Variants in USP49 observed in about 807,000 individuals in gnomAD.
USP49 encodes ubiquitin carboxyl-terminal hydrolase 49.
In USP49, 24 loss-of-function variants were observed where a neutral mutation model predicts 58.6. The ratio of observed to expected loss-of-function variants is 0.41; its 90% CI spans 0.30 to 0.58. The LOEUF (loss-of-function observed/expected upper bound fraction) is 0.58. Ranked by LOEUF, USP49 falls within the 20% of genes least tolerant of loss-of-function variation. USP49 has a pLI of 0.30. For missense variants in USP49, 703 were observed against 866.1 expected, an observed-to-expected ratio of 0.81 and a Z score of 2.36; for synonymous variants, 408 against 365.1, an observed-to-expected ratio of 1.12 and a Z score of -1.34.
intron 3 of USP49, among the ~76,000 whole-genome samples, chr6:41,836,589 C>T (rs1288271365): frequency 1.3e-5 from 2 of 152,016 alleles, no homozygotes; most frequent in Admixed American, 6.6e-5. Context: ...ACTATATTTG[C>T]AGATGATATA....
intron 3 of USP49, among the ~76,000 whole-genome samples, chr6:41,844,462 C>T (rs12527627): frequency 0.056 from 8,524 of 151,890 alleles, 422 homozygotes; most frequent in Admixed American, 0.12. Flanking sequence ...TACAGGCGTC[C>T]GCCACCATGC....
Position 41,805,901 on chromosome 6 carries a change from C to A in USP49, c.1083G>T (p.Leu361=). 6.2e-7 allele frequency: 1 copy of A among 1,614,020 alleles called. No individual in the cohort carries two copies. Among genetic ancestry groups the A allele is most frequent in the African/African-American group, 1.3e-5 (1 of 75,062 alleles). The change falls in exon 4 of 8, where the codon CTG becomes CTT. Residue 361 remains leucine (L), a synonymous_variant. Coordinates refer to ENST00000682992, the MANE Select transcript of USP49 (RefSeq NM_001286554.2). ...ACCACATGACTCGGAAGAGGGTGTG[C>A]AGTTCACGGCAGAGGGAAATGTGCT... ...SSKHISLCRE[L]HTLFRVMWSG... is the part of the protein sequence containing the mutation.
intron 3 of USP49, among the ~76,000 whole-genome samples, chr6:41,859,183 T>C (rs906065942): frequency 3.9e-5 from 6 of 152,320 alleles, no homozygotes; most frequent in African/African-American, 1.4e-4. Context: ...TTGTCTTTCA[T>C]AGTCTGATCC....
chr6:41,869,602 C>T (rs1354877491), intron 3 of USP49: 4 of 151,208 alleles, frequency 2.6e-5, no homozygotes, highest in East Asian at 3.9e-4. Flanking sequence ...CCCAGCTAGT[C>T]GGGAGGTTGA....
At chr6:41,885,138 C>T (rs1024933985) in intron 2 of USP49, among the ~76,000 whole-genome samples, 10 of 152,310 alleles carry the variant, frequency 6.6e-5, no homozygotes, top group African/African-American at 2.4e-4. Flanking sequence ...CTCAGGAACA[C>T]TTCTCACCAG....
intron 3 of USP49, among the ~76,000 whole-genome samples, chr6:41,833,294 G>A (rs1218104121): frequency 3.3e-5 from 5 of 152,012 alleles, no homozygotes; most frequent in Non-Finnish European, 4.4e-5. Context: ...GGGATTACAG[G>A]TGTGAGCCAC....
intron 3 of USP49, among the ~76,000 whole-genome samples, chr6:41,831,517 T>C (rs1367093033): frequency 6.6e-6 from 1 of 150,532 alleles, no homozygotes; most frequent in Non-Finnish European, 1.5e-5. Flanking sequence ...GAGGCAGAGG[T>C]TGCAGTGAGC....
intron 3 of USP49, among the ~76,000 whole-genome samples, chr6:41,807,262 A>G (rs1773157531): frequency 6.6e-6 from 1 of 152,184 alleles, no homozygotes; most frequent in Non-Finnish European, 1.5e-5. Flanking sequence ...CACAAATTTG[A>G]AACTTTATGG....
At chr6:41,886,022 G>A (rs1439653133) in intron 2 of USP49, among the ~76,000 whole-genome samples, 1 of 152,206 alleles carries the variant, frequency 6.6e-6, no homozygotes, top group Non-Finnish European at 1.5e-5. Context: ...TCTTTTAAGA[G>A]TATATTCAAT....
At chr6:41,808,461 G>GT (rs1342100770) in intron 3 of USP49, among the ~76,000 whole-genome samples, 2 of 144,604 alleles carry the variant, frequency 1.4e-5, no homozygotes, top group Non-Finnish European at 3.0e-5. Flanking sequence ...CCAGGCTGGA[G>GT]TACAGTGGCG....
Position 41,840,328 on chromosome 6 carries a change from T to C in USP49, c.-29+31236A>G, listed in dbSNP as rs9471674. On this transcript the variant is annotated intron_variant, in intron 3 of 7. Coordinates refer to ENST00000682992, the MANE Select transcript of USP49 (RefSeq NM_001286554.2). ...GGCGGAGCTTGCAGTGAGCCGAGAT[T>C]ACACCACTGCACTCCAGCCTGGGCG... Among the ~76,000 whole-genome samples, 1,022 of 146,598 alleles carry C rather than the reference T, an allele frequency of 7.0e-3. 11 individuals are homozygous for C. Among genetic ancestry groups the C allele is most frequent in the African/African-American group, 0.022 (886 of 39,632 alleles).
At chr6:41,837,385 G>T (rs1773746612) in intron 3 of USP49, among the ~76,000 whole-genome samples, 1 of 152,136 alleles carries the variant, frequency 6.6e-6, no homozygotes, top group Non-Finnish European at 1.5e-5. Flanking sequence ...AATGGCACCG[G>T]AATAACTGGC....
chr6:41,892,678 CAA>C (rs1774829417), intron 1 of USP49, among the ~76,000 whole-genome samples: 1 of 152,006 alleles, frequency 6.6e-6, no homozygotes, highest in African/African-American at 2.4e-5. Flanking sequence ...TTAACTACTA[CAA>C]AAGTCATAAA....
intron 2 of USP49, among the ~76,000 whole-genome samples, chr6:41,879,705 T>C (rs967969080): frequency 6.6e-6 from 1 of 152,186 alleles, no homozygotes; most frequent in Non-Finnish European, 1.5e-5. Flanking sequence ...TAAGAGAAAG[T>C]TGATATCGTG....
intron 3 of USP49, among the ~76,000 whole-genome samples, chr6:41,850,229 G>T (rs1774001915): frequency 1.3e-5 from 2 of 152,032 alleles, no homozygotes; most frequent in Non-Finnish European, 2.9e-5. Context: ...GATCACCTGA[G>T]GTCAGGAGTT....
At chr6:41,891,552 T>C (rs1468804971) in intron 2 of USP49, among the ~76,000 whole-genome samples, 3 of 152,178 alleles carry the variant, frequency 2.0e-5, no homozygotes, top group African/African-American at 7.2e-5. Context: ...TTGGCTACTA[T>C]TATTAAGTTT....
chr6:41,869,800 A>C (rs1456425852), intron 3 of USP49: 1 of 152,216 alleles, frequency 6.6e-6, no homozygotes, highest in African/African-American at 2.4e-5. Flanking sequence ...TGACATAGCT[A>C]TCTAGAAACA....
chr6:41,885,299 G>C (rs1260269124), intron 2 of USP49, among the ~76,000 whole-genome samples: 1 of 152,146 alleles, frequency 6.6e-6, no homozygotes, highest in Non-Finnish European at 1.5e-5. Flanking sequence ...CCTGGGCACA[G>C]AGAATAACAT....
At chr6:41,823,666 C>G (rs762573563) in intron 3 of USP49, among the ~76,000 whole-genome samples, 13 of 152,132 alleles carry the variant, frequency 8.5e-5, no homozygotes, top group Non-Finnish European at 1.6e-4. Flanking sequence ...CAGGGGCCAC[C>G]ACCAAAAACT....
Sources: gnomAD v4.1 joint callset for allele counts (sites outside exome capture counted in the v4.1 genomes callset) on GRCh38, gnomAD v4.1.1 for gene constraint, MANE v1.5 for transcripts, NCBI Gene and HGNC (gene_info 2026-07-23, HGNC 2026-07-21) for gene names.